ZCCHC8: variants seen among roughly 807,000 people sequenced by gnomAD.
The protein encoded by ZCCHC8 is zinc finger CCHC domain-containing protein 8.
In ZCCHC8, 27 loss-of-function variants were observed where a neutral mutation model predicts 70.6. The observed-to-expected ratio is 0.38, with a 90% CI of 0.28 to 0.53. ZCCHC8 has a LOEUF of 0.53. ZCCHC8 is among the 20% of genes least tolerant of loss of function. ZCCHC8 has a pLI of 0.81. For missense variants in ZCCHC8, 737 were observed against 876.9 expected (o/e 0.84, Z 2.01); for synonymous variants, 293 against 317.4 (o/e 0.92, Z 0.82).
intron 13 of ZCCHC8, among the ~76,000 whole-genome samples, chr12:122,474,775 C>T (rs1957386586): frequency 9.0e-6 from 1 of 111,258 alleles, no homozygotes; most frequent in Non-Finnish European, 2.2e-5. Context: ...TACTCTGCCA[C>T]CCAGGCTGGA....
intron 5 of ZCCHC8, among the ~76,000 whole-genome samples, chr12:122,486,178 G>A (rs1457703450): frequency 6.6e-6 from 1 of 151,932 alleles, no homozygotes; most frequent in Admixed American, 6.6e-5. Context: ...ACTTTGGGAG[G>A]CCGCGGTGGG....
In ZCCHC8 at chr12:122,500,671, T is replaced by C; in HGVS notation, c.170A>G (p.Glu57Gly). 6.3e-7 allele frequency: 1 copy of C among 1,581,216 alleles called. No individual in the cohort carries two copies. Among genetic ancestry groups the C allele is most frequent in the Non-Finnish European group, 8.6e-7 (1 of 1,164,636 alleles). Residue 57 changes from glutamate (E) to glycine (G), a missense_variant, in exon 1 of 14, where the codon GAG (glutamate) becomes GGG (glycine). Coordinates refer to ENST00000633063, the MANE Select transcript of ZCCHC8 (RefSeq NM_017612.5). This position sits in a 1 kb window ranked among gnomAD's most constrained non-coding sequence, Gnocchi z 4.8. ...AELRERLRQC[E>G]ETIEQLRAEN... Reference sequence around the variant, plus strand: ...GGCGCGGAGCTGCTCGATGGTCTCCTCGCACTGCCGAAGCCGCTCCCGTAG... The same window carrying C: ...GGCGCGGAGCTGCTCGATGGTCTCCCCGCACTGCCGAAGCCGCTCCCGTAG...
Position 122,492,698 on chromosome 12 carries a change from G to C in ZCCHC8, c.317+17C>G, listed in dbSNP as rs1038583194. 2 of 1,463,882 alleles carry C rather than the reference G, an allele frequency of 1.4e-6. No individual in the cohort carries two copies. The highest frequency in any genetic ancestry group is 4.1e-5 in the Admixed American group (2 of 48,710). The allele number at this position is 1,463,882 out of a possible 1,614,324, so 90.7% of individuals were successfully genotyped here. On this transcript the variant is annotated intron_variant, in intron 3 of 13. Coordinates refer to ENST00000633063, the MANE Select transcript of ZCCHC8 (RefSeq NM_017612.5). ...TAAACACATTATTATATTTAGGAAAGGGAAAAAATTACTTACTTTGAAATA... is the reference window on the plus strand; with the variant it reads ...TAAACACATTATTATATTTAGGAAACGGAAAAAATTACTTACTTTGAAATA...
intron 2 of ZCCHC8, among the ~76,000 whole-genome samples, chr12:122,497,731 G>T (rs545278360): frequency 6.6e-6 from 1 of 151,994 alleles, no homozygotes; most frequent in Non-Finnish European, 1.5e-5. Flanking sequence ...TGCCTAGGCT[G>T]GGCATGGTGG....
In ZCCHC8 at chr12:122,483,408, G is replaced by A; in HGVS notation, c.605+52C>T. On this transcript the variant is annotated intron_variant, in intron 6 of 13. Transcript: ENST00000633063. The surrounding 1 kb of genome is among the most constrained non-coding windows in gnomAD (Gnocchi z 4.4). ...GCAAAATTTGGAAATTGTTTTAAAG[G>A]TGAACTTAGTGGCAAGATGCATAAA... 2.6e-6 allele frequency: 4 copies of A among 1,568,504 alleles called. No individual in the cohort carries two copies. The highest frequency in any genetic ancestry group is 1.7e-4 in the Middle Eastern group (1 of 6,014).
chr12:122,480,164 TA>T, intron 11 of ZCCHC8, 25 bp downstream of exon 11: 1 of 1,530,798 alleles, frequency 6.5e-7, no homozygotes, highest in Non-Finnish European at 8.9e-7. Context: ...CATCACATGA[TA>T]ATTTAAAAAA....
chr12:122,482,259 C>A (rs1289777555), intron 8 of ZCCHC8, 172 bp from the exon 9 acceptor site: 2 of 636,528 alleles, frequency 3.1e-6, no homozygotes, highest in Non-Finnish European at 4.9e-6. Flanking sequence ...AGGAAAGGAG[C>A]AGTCTATTTA....
At chr12:122,478,003 A>G (rs1957453889) in intron 12 of ZCCHC8, 45 bp from the exon 13 acceptor site, 1 of 1,457,558 alleles carries the variant, frequency 6.9e-7, no homozygotes, top group South Asian at 1.1e-5. Context: ...GGGGTAGATA[A>G]TGAATTAAAC....
rs780471461 is a variant in ZCCHC8 at position 122,481,972 on chromosome 12, A to C, written c.848T>G (p.Phe283Cys). 3 of 1,613,142 alleles carry C rather than the reference A, an allele frequency of 1.9e-6. No individual in the cohort carries two copies. Among genetic ancestry groups the C allele is most frequent in the Middle Eastern group, 1.7e-4 (1 of 6,054 alleles). The change falls in exon 9 of 14, where the codon TTT becomes TGT. Residue 283 changes from phenylalanine (F) to cysteine (C), a missense_variant. Physicochemically the swap from Phe to Cys is radical, Grantham distance 205. Coordinates refer to ENST00000633063, the MANE Select transcript of ZCCHC8 (RefSeq NM_017612.5). ...AATAACTCCTGGCTTGAATCTTCCA[A>C]ATCTTTCTTCTACTTCTTCTGCGTG... Reference protein sequence around the residue: ...RYHAEEVEERFGRFKPGVISE... With the variant: ...RYHAEEVEERCGRFKPGVISE...
chr12:122,497,103 G>A (rs1012009042), intron 2 of ZCCHC8, among the ~76,000 whole-genome samples: 7 of 151,728 alleles, frequency 4.6e-5, no homozygotes, highest in African/African-American at 1.2e-4. Flanking sequence ...GCAGTGAGCC[G>A]AGGTCATGCC....
chr12:122,494,616 G>A, intron 2 of ZCCHC8, among the ~76,000 whole-genome samples: 1 of 151,722 alleles, frequency 6.6e-6, no homozygotes, highest in East Asian at 1.9e-4. Context: ...AGTACTTTGG[G>A]AGGCCGAGGC....
rs187587313 is a variant in ZCCHC8 at position 122,482,625 on chromosome 12, A to G, written c.732+10T>C. 1.8e-4 allele frequency: 288 copies of G among 1,598,536 alleles called. 1 individual carries two copies. The African/African-American group carries it at 3.6e-3, about 20-fold the overall frequency. On this transcript the variant is annotated intron_variant, in intron 8 of 13. Coordinates refer to ENST00000633063, the MANE Select transcript of ZCCHC8 (RefSeq NM_017612.5). ...GTTCAAAGACTTTTCTTAACATGAG[A>G]AAAATTTACCATTGGGCAATCTTTC...
At chr12:122,487,064 G>A (rs1453011886) in intron 5 of ZCCHC8, among the ~76,000 whole-genome samples, 1 of 152,168 alleles carries the variant, frequency 6.6e-6, no homozygotes, top group African/African-American at 2.4e-5. Flanking sequence ...CCTTCCTACT[G>A]CCTGGAGTGC....
chr12:122,487,800 T>C (rs1043535667), intron 5 of ZCCHC8, among the ~76,000 whole-genome samples: 1 of 152,196 alleles, frequency 6.6e-6, no homozygotes, highest in Admixed American at 6.5e-5. Context: ...GGGCTCTTCA[T>C]CATCCCAGTA....
chr12:122,493,463 C>T (rs557641652), intron 2 of ZCCHC8, among the ~76,000 whole-genome samples: 22 of 152,178 alleles, frequency 1.4e-4, no homozygotes, highest in African/African-American at 4.6e-4. Flanking sequence ...CTCTGTTGCC[C>T]AGGCTGGATT....
intron 5 of ZCCHC8, chr12:122,484,051 G>A (rs956595044): frequency 2.0e-4 from 32 of 157,474 alleles, no homozygotes; most frequent in Admixed American, 7.5e-4. Flanking sequence ...TAACATTTTT[G>A]TCTGCCTCTC....
chr12:122,498,738 T>C lies in ZCCHC8; in HGVS notation c.242+89A>G, dbSNP rs1017054778. The C allele has an allele frequency of 1.8e-5, 23 of 1,268,504 alleles. No individual in the cohort carries two copies. In the Admixed American group the frequency reaches 3.4e-4, roughly 19 times the overall value. The allele number at this position is 1,268,504 out of a possible 1,614,324, so 78.6% of individuals were successfully genotyped here. On this transcript the variant is annotated intron_variant, in intron 2 of 13. Transcript: ENST00000633063. ...AAATAAAAATGATACAAAAATCCCA[T>C]ACACTTTTTACAACGAAATTCTGAT...
Position 122,483,436 on chromosome 12 carries a change from A to T in ZCCHC8, c.605+24T>A, listed in dbSNP as rs1957575912. 1.3e-6 allele frequency: 2 copies of T among 1,576,584 alleles called. No homozygotes were observed. The highest frequency in any genetic ancestry group is 2.3e-5 in the South Asian group (2 of 86,082). On this transcript the variant is annotated intron_variant, in intron 6 of 13. Coordinates refer to ENST00000633063, the MANE Select transcript of ZCCHC8 (RefSeq NM_017612.5). The surrounding 1 kb of genome is among the most constrained non-coding windows in gnomAD (Gnocchi z 4.4). ...AACTTAGTGGCAAGATGCATAAAAGATCTTCATTCACTATGTAGGATACTT... is the reference window on the plus strand; with the variant it reads ...AACTTAGTGGCAAGATGCATAAAAGTTCTTCATTCACTATGTAGGATACTT...
At chr12:122,484,565 ATT>A (rs538352720) in intron 5 of ZCCHC8, among the ~76,000 whole-genome samples, 1 of 141,092 alleles carries the variant, frequency 7.1e-6, no homozygotes, top group South Asian at 2.3e-4. Flanking sequence ...CACACAGCTA[ATT>A]TTTTTTTTTG....
Sources: allele counts gnomAD v4.1 joint callset (sites outside exome capture counted in the v4.1 genomes callset), GRCh38; gene constraint gnomAD v4.1.1; non-coding constraint Gnocchi (gnomAD v3.1); transcripts MANE v1.5; gene names NCBI Gene and HGNC (gene_info 2026-07-23, HGNC 2026-07-21).